Variants in PHACTR1 observed in about 807,000 individuals in gnomAD.
PHACTR1 encodes the protein RPEL repeat containing 1.
PHACTR1 carries 16 observed loss-of-function variants against 69.2 expected under a neutral mutation model. That is an observed-to-expected ratio of 0.23 (90% CI 0.16 to 0.35). The LOEUF (loss-of-function observed/expected upper bound fraction) is 0.35, where lower values mean the gene tolerates loss of function less well. Ranked by LOEUF, PHACTR1 falls within the 10% of genes least tolerant of loss-of-function variation. The pLI is 1.00. For missense variants in PHACTR1, 510 were observed against 734.7 expected (o/e 0.69, Z 3.54); for synonymous variants, 312 against 284.5 (o/e 1.10, Z -0.97).
intron 4 of PHACTR1, among the ~76,000 whole-genome samples, chr6:12,938,885 A>ACAGTTCATG (rs1789765034): frequency 6.6e-6 from 1 of 152,158 alleles, no homozygotes; most frequent in South Asian, 2.1e-4. Flanking sequence ...GCAGATCTCA[A>ACAGTTCATG]CAGTTCATGC....
chr6:13,200,764 T>C (rs1485101125), intron 7 of PHACTR1, among the ~76,000 whole-genome samples: 2 of 149,184 alleles, frequency 1.3e-5, no homozygotes, highest in Non-Finnish European at 3.0e-5. Flanking sequence ...TGAAACCCCA[T>C]CTCTACTAAA....
At chr6:13,049,766 A>T (rs1304921271) in intron 4 of PHACTR1, among the ~76,000 whole-genome samples, 7 of 152,216 alleles carry the variant, frequency 4.6e-5, no homozygotes, top group Non-Finnish European at 1.0e-4. Flanking sequence ...TTCATGGAGG[A>T]AAAAACTTGA....
chr6:12,733,374 C>T (rs1429232150), intron 3 of PHACTR1, among the ~76,000 whole-genome samples: 2 of 152,140 alleles, frequency 1.3e-5, no homozygotes, highest in South Asian at 2.1e-4. Flanking sequence ...AACTACAAAC[C>T]TATGAGTTAG....
At chr6:13,195,594 C>G (rs1447730835) in intron 7 of PHACTR1, among the ~76,000 whole-genome samples, 4 of 151,716 alleles carry the variant, frequency 2.6e-5, no homozygotes, top group Non-Finnish European at 5.9e-5. Context: ...CCCATCTCTA[C>G]TGAAACTACA....
intron 5 of PHACTR1, among the ~76,000 whole-genome samples, chr6:13,100,421 C>T (rs1814965354): frequency 2.0e-5 from 3 of 152,104 alleles, no homozygotes; most frequent in African/African-American, 2.4e-5. Flanking sequence ...CACAAAACTA[C>T]GAAGACACAC....
At chr6:13,163,017 G>C (rs564523741) in intron 6 of PHACTR1, among the ~76,000 whole-genome samples, 1 of 152,166 alleles carries the variant, frequency 6.6e-6, no homozygotes, top group African/African-American at 2.4e-5. Context: ...AGGCCAAGGC[G>C]GTGGATCGCT....
intron 4 of PHACTR1, among the ~76,000 whole-genome samples, chr6:12,797,459 C>G (rs1462160135): frequency 1.3e-5 from 2 of 152,164 alleles, no homozygotes; most frequent in East Asian, 3.9e-4. Context: ...GAAGGTAACT[C>G]ATCGGTTACT....
At chr6:13,090,051 T>TTTGTTG (rs201750438) in intron 5 of PHACTR1, among the ~76,000 whole-genome samples, 1 of 152,088 alleles carries the variant, frequency 6.6e-6, no homozygotes, top group Admixed American at 6.5e-5. Flanking sequence ...TTTGGGTTTT[T>TTTGTTG]TTGTTGTTGT....
chr6:12,913,534 C>G (rs1055920678), intron 4 of PHACTR1, among the ~76,000 whole-genome samples: 3 of 152,198 alleles, frequency 2.0e-5, no homozygotes, highest in Non-Finnish European at 2.9e-5. Context: ...AGAGGCCCAC[C>G]CTGCATGCTC....
intron 4 of PHACTR1, among the ~76,000 whole-genome samples, chr6:12,810,544 C>T (rs962737454): frequency 1.7e-4 from 26 of 152,152 alleles, no homozygotes; most frequent in African/African-American, 4.6e-4. Context: ...ACCTGAGACC[C>T]CATCCTGAGA....
chr6:12,952,347 G>C (rs551574130), intron 4 of PHACTR1, among the ~76,000 whole-genome samples: 3 of 152,302 alleles, frequency 2.0e-5, no homozygotes, highest in South Asian at 2.1e-4. Flanking sequence ...CATCTGAGCA[G>C]AGTAGTTTCC....
At chr6:13,088,389 C>G (rs1812666080) in intron 5 of PHACTR1, among the ~76,000 whole-genome samples, 1 of 151,536 alleles carries the variant, frequency 6.6e-6, no homozygotes. Context: ...CCATTTCACC[C>G]TGGACCTGGC....
chr6:13,029,474 C>T (rs1257731005), intron 4 of PHACTR1, among the ~76,000 whole-genome samples: 1 of 152,124 alleles, frequency 6.6e-6, no homozygotes, highest in African/African-American at 2.4e-5. Flanking sequence ...CTTGGCATGG[C>T]TAGTGACGGC....
chr6:13,180,877 A>G (rs550055075), intron 6 of PHACTR1, among the ~76,000 whole-genome samples: 2 of 152,250 alleles, frequency 1.3e-5, no homozygotes, highest in Admixed American at 6.5e-5. Context: ...TTTCCATTGC[A>G]TGGGCTTACA....
chr6:13,134,152 C>A (rs1387450263), intron 5 of PHACTR1, among the ~76,000 whole-genome samples: 1 of 152,012 alleles, frequency 6.6e-6, no homozygotes, highest in Non-Finnish European at 1.5e-5. Flanking sequence ...CCGCCCCCTC[C>A]AGGAGGTGGG....
At position 13,275,941 on chromosome 6, in the gene PHACTR1, G is replaced by A. The variant is rs1443306215; in HGVS notation, c.1448-2327G>A. 2 of 152,012 alleles carry A rather than the reference G, an allele frequency of 1.3e-5. No homozygotes were observed. The highest frequency in any genetic ancestry group is 4.8e-5 in the African/African-American group (2 of 41,358). The allele number at this position is 152,012 out of a possible 1,614,324, so 9.4% of individuals were successfully genotyped here. A position where few individuals can be genotyped will look rare whatever the true frequency, so the allele number is the denominator to read the frequency against. The stretch of plus-strand genomic sequence containing the variant: ...ATTAATTCATACTAAGATATTAATG[G>A]CTGACTAGTTTAATAGGTTTTATCC... On this transcript the variant is annotated intron_variant, in intron 11 of 14. Coordinates refer to ENST00000332995, the MANE Select transcript of PHACTR1 (RefSeq NM_030948.6). The surrounding 1 kb of genome is among the most constrained non-coding windows in gnomAD (Gnocchi z 4.0).
chr6:13,149,506 C>A (rs1453437510), intron 5 of PHACTR1, among the ~76,000 whole-genome samples: 1 of 152,176 alleles, frequency 6.6e-6, no homozygotes, highest in Non-Finnish European at 1.5e-5. Flanking sequence ...AAAGTCTCAT[C>A]TCGTACCTCA....
chr6:13,078,131 T>C (rs1239034132), intron 5 of PHACTR1, among the ~76,000 whole-genome samples: 1 of 152,054 alleles, frequency 6.6e-6, no homozygotes, highest in Non-Finnish European at 1.5e-5. Context: ...ATGGGGCAGC[T>C]GTATCAGTTC....
At chr6:13,267,275 T>C (rs1224696688) in intron 10 of PHACTR1, 3 of 152,258 alleles carry the variant, frequency 2.0e-5, no homozygotes, top group Admixed American at 1.3e-4. Context: ...TGGGTTTACA[T>C]TTGAATGTAA....
Sources: gnomAD v4.1 joint callset for allele counts (sites outside exome capture counted in the v4.1 genomes callset) on GRCh38, gnomAD v4.1.1 for gene constraint, Gnocchi (gnomAD v3.1) non-coding constraint, MANE v1.5 for transcripts, NCBI Gene and HGNC (gene_info 2026-07-23, HGNC 2026-07-21) for gene names.